The following STK3 variants were observed in gnomAD, a reference collection of about 807,000 sequenced individuals.
STK3 encodes serine/threonine-protein kinase 3.
In STK3, 41 loss-of-function variants were observed where a neutral mutation model predicts 58.0. The ratio of observed to expected loss-of-function variants is 0.71; its 90% CI spans 0.55 to 0.92. The LOEUF is 0.92. Among genes scored for constraint, STK3 ranks in the 40% least tolerant of loss-of-function variants. The pLI, the probability that STK3 is intolerant of heterozygous loss-of-function variation, is 0.00. For synonymous variants in STK3, 170 were observed against 191.0 expected, an observed-to-expected ratio of 0.89 and a Z score of 0.91; for missense variants, 479 against 602.7, an observed-to-expected ratio of 0.79 and a Z score of 2.15.
intron 6 of STK3, among the ~76,000 whole-genome samples, chr8:98,613,617 T>TA (rs541683046): frequency 3.3e-5 from 5 of 150,664 alleles, no homozygotes; most frequent in African/African-American, 4.9e-5. Context: ...AGAAAACTCT[T>TA]AAAAAAAATC....
intron 10 of STK3, among the ~76,000 whole-genome samples, chr8:98,514,562 A>T (rs763263472): frequency 5.3e-4 from 80 of 151,820 alleles, no homozygotes; most frequent in Non-Finnish European, 9.9e-4. Context: ...AAAACAGTGA[A>T]ATCCTACTCA....
chr8:98,650,166 A>C (rs935331080), intron 6 of STK3, among the ~76,000 whole-genome samples: 1 of 152,346 alleles, frequency 6.6e-6, no homozygotes, highest in South Asian at 2.1e-4. Context: ...TATCAGCAAA[A>C]TAAAATGTAT....
intron 10 of STK3, among the ~76,000 whole-genome samples, chr8:98,520,902 C>T (rs942253193): frequency 3.3e-5 from 5 of 152,092 alleles, no homozygotes; most frequent in East Asian, 1.9e-4. Context: ...AAATCACTTA[C>T]GCTGTGCTCC....
intron 1 of STK3, among the ~76,000 whole-genome samples, chr8:98,812,315 A>G (rs961796633): frequency 5.3e-5 from 8 of 152,236 alleles, no homozygotes; most frequent in African/African-American, 1.2e-4. Context: ...CATCAGAGAA[A>G]TGCAAATCAA....
At chr8:98,483,525 T>C (rs1822007126) in intron 10 of STK3, among the ~76,000 whole-genome samples, 1 of 152,198 alleles carries the variant, frequency 6.6e-6, no homozygotes, top group South Asian at 2.1e-4. Flanking sequence ...GGGAAAACTT[T>C]AGAAAGCAAT....
At chr8:98,799,547 ATTC>A (rs1200341677) in intron 1 of STK3, among the ~76,000 whole-genome samples, 2 of 152,130 alleles carry the variant, frequency 1.3e-5, no homozygotes, top group South Asian at 2.1e-4. Flanking sequence ...GCCAAGGTAT[ATTC>A]TTCTTATGTG....
chr8:98,617,008 C>A (rs1169393942), intron 6 of STK3, among the ~76,000 whole-genome samples: 3 of 152,032 alleles, frequency 2.0e-5, no homozygotes, highest in Non-Finnish European at 4.4e-5. Context: ...ACAGAATATA[C>A]GTTTTTTTCA....
At chr8:98,746,228 T>C (rs1224401403) in intron 4 of STK3, among the ~76,000 whole-genome samples, 1 of 152,176 alleles carries the variant, frequency 6.6e-6, no homozygotes, top group Admixed American at 6.5e-5. Flanking sequence ...TACGTCAACA[T>C]TCAGAAGTTC....
At chr8:98,355,278 T>C in the STK3 span, among the ~76,000 whole-genome samples, 1 of 152,226 alleles carries the variant, frequency 6.6e-6, no homozygotes, top group Non-Finnish European at 1.5e-5. Context: ...ACATGGTTAC[T>C]TATACCTACT....
At chr8:98,745,902 T>A (rs1351884426) in intron 4 of STK3, among the ~76,000 whole-genome samples, 1 of 152,252 alleles carries the variant, frequency 6.6e-6, no homozygotes, top group African/African-American at 2.4e-5. Context: ...CAAACCTAGA[T>A]GGTATAGCCT....
the STK3 span, among the ~76,000 whole-genome samples, chr8:98,352,472 A>G: frequency 4.1e-4 from 62 of 152,324 alleles, no homozygotes; most frequent in African/African-American, 1.4e-3. Context: ...GAGCTCCAAC[A>G]TGATGCAAGT....
chr8:98,345,896 G>C, the STK3 span, among the ~76,000 whole-genome samples: 41 of 152,208 alleles, frequency 2.7e-4, 2 homozygotes, highest in South Asian at 8.3e-3. Flanking sequence ...TGGCAGACTA[G>C]GCATTTCAGG....
intron 8 of STK3, among the ~76,000 whole-genome samples, chr8:98,558,922 A>T (rs545680302): frequency 1.2e-3 from 178 of 152,258 alleles, no homozygotes; most frequent in African/African-American, 3.7e-3. Context: ...AAAGAAGACT[A>T]CTTGAAACAT....
At chr8:98,786,632 A>G (rs1399742567) in intron 1 of STK3, among the ~76,000 whole-genome samples, 1 of 152,230 alleles carries the variant, frequency 6.6e-6, no homozygotes, top group Non-Finnish European at 1.5e-5. Context: ...TTTAAGAAAT[A>G]CAGGATTATG....
chr8:98,389,363 G>C (rs1447044090), upstream of STK3, among the ~76,000 whole-genome samples: 1 of 152,128 alleles, frequency 6.6e-6, no homozygotes, highest in African/African-American at 2.4e-5. Flanking sequence ...CGACAACAGG[G>C]ACTCTCTGTT....
At chr8:98,440,033 G>A (rs1007104339) in intron 1 of STK3, among the ~76,000 whole-genome samples, 23 of 152,210 alleles carry the variant, frequency 1.5e-4, no homozygotes, top group African/African-American at 5.5e-4. Flanking sequence ...TCAGAGGGAG[G>A]ATGTGCGTAC....
At position 98,742,947 on chromosome 8, in the gene STK3, G is replaced by C. The variant is rs969378123; in HGVS notation, c.351+6329C>G. Among the ~76,000 whole-genome samples, 14 of 151,998 alleles carry C rather than the reference G, an allele frequency of 9.2e-5. No individual in the cohort carries two copies. In the South Asian group the frequency reaches 2.5e-3, roughly 27 times the overall value. ...CTTATACACCAATAACAGACAAACA[G>C]AGAGCCAAATCATGAGTGAATTCCC... On this transcript the variant is annotated intron_variant, in intron 4 of 10. Coordinates refer to ENST00000419617, the MANE Select transcript of STK3 (RefSeq NM_006281.4).
At chr8:98,859,263 A>G (rs1156802738) in intron 3 of STK3, among the ~76,000 whole-genome samples, 2 of 152,222 alleles carry the variant, frequency 1.3e-5, no homozygotes. Flanking sequence ...GGGTCAGTCC[A>G]ATTTAATGGT....
At chr8:98,544,909 T>C (rs965870379) in intron 9 of STK3, among the ~76,000 whole-genome samples, 20 of 152,228 alleles carry the variant, frequency 1.3e-4, no homozygotes, top group Non-Finnish European at 2.8e-4. Context: ...ATAGTTTCCC[T>C]CCAGGGCAAC....
Sources: allele counts gnomAD v4.1 joint callset (sites outside exome capture counted in the v4.1 genomes callset), GRCh38; gene constraint gnomAD v4.1.1; transcripts MANE v1.5; gene names NCBI Gene and HGNC (gene_info 2026-07-23, HGNC 2026-07-21).